STAM2: variants seen among roughly 807,000 people sequenced by gnomAD.
The protein encoded by STAM2 is signal transducing adaptor molecule 2.
Under a neutral mutation model 65.6 loss-of-function variants are expected in STAM2, and 51 were observed. That is an observed-to-expected ratio of 0.78 (90% confidence interval 0.62 to 0.98). The LOEUF is 0.98. STAM2 is among the 50% of genes least tolerant of loss of function. The pLI is 0.00. For missense variants in STAM2, 584 were observed against 617.8 expected (o/e 0.95, Z 0.58); for synonymous variants, 198 against 208.4 (o/e 0.95, Z 0.43).
intron 1 of STAM2, among the ~76,000 whole-genome samples, chr2:152,154,986 A>C (rs764374324): frequency 2.8e-4 from 42 of 152,196 alleles, no homozygotes; most frequent in Admixed American, 5.2e-4. Flanking sequence ...ACTAAATATA[A>C]AATAATTAGG....
chr2:152,141,102 G>C (rs1043743747), intron 7 of STAM2, among the ~76,000 whole-genome samples: 14 of 143,030 alleles, frequency 9.8e-5, no homozygotes, highest in African/African-American at 3.7e-4. Flanking sequence ...TCACGCCATT[G>C]CACTCCAGCC....
chr2:152,120,904 G>A (rs1688840965), intron 13 of STAM2, 102 bp from the exon 14 acceptor site: 3 of 789,264 alleles, frequency 3.8e-6, no homozygotes. Context: ...TTCTTTTTAA[G>A]CTTACGTAGC....
chr2:152,154,452 CA>C (rs1183711999), intron 1 of STAM2, among the ~76,000 whole-genome samples: 1 of 152,070 alleles, frequency 6.6e-6, no homozygotes, highest in Non-Finnish European at 1.5e-5. Context: ...CCTGTCTCTA[CA>C]AAAAACACAA....
intron 1 of STAM2, among the ~76,000 whole-genome samples, chr2:152,171,481 T>C (rs1449832872): frequency 6.6e-6 from 1 of 152,256 alleles, no homozygotes; most frequent in African/African-American, 2.4e-5. Context: ...GTAAATGTTA[T>C]AAATTTGTGT....
chr2:152,165,297 G>A (rs756407553), intron 1 of STAM2, among the ~76,000 whole-genome samples: 26 of 152,062 alleles, frequency 1.7e-4, no homozygotes, highest in Non-Finnish European at 3.1e-4. Flanking sequence ...TGGGCATGGT[G>A]GCATGCACCT....
chr2:152,164,841 A>G (rs770459813), intron 1 of STAM2, among the ~76,000 whole-genome samples: 7 of 152,158 alleles, frequency 4.6e-5, no homozygotes, highest in Non-Finnish European at 1.5e-5. Context: ...CATAAAAATT[A>G]CCTTTTACTG....
chr2:152,144,700 A>C, intron 6 of STAM2, 188 bp downstream of exon 6: 1 of 452,910 alleles, frequency 2.2e-6, no homozygotes, highest in South Asian at 2.7e-5. Flanking sequence ...CACCACGCCC[A>C]GCTAATTTTT....
At chr2:152,120,901 T>A in intron 13 of STAM2, 99 bp from the exon 14 acceptor site, 1 of 809,280 alleles carries the variant, frequency 1.2e-6, no homozygotes, top group Non-Finnish European at 2.1e-6. Flanking sequence ...ATCTTCTTTT[T>A]AAGCTTACGT....
rs1452696016 is a variant in STAM2, at chr2:152,120,667, G to A, written c.1485C>T (p.Ser495=). Residue 495 remains serine (S), a synonymous_variant, in exon 14 of 14, where the codon TCC becomes TCT. Transcript: ENST00000263904. ...GAAAGCCTGCCAGTTGAGGCAAATTGGAAGTAGTGTTCTGATAAGATGACA... is the reference window on the plus strand; with the variant it reads ...GAAAGCCTGCCAGTTGAGGCAAATTAGAAGTAGTGTTCTGATAAGATGACA... ...VDMSSYQNTT[S]NLPQLAGFPV... is the part of the protein sequence containing the mutation. The A allele has an allele frequency of 6.2e-7, 1 of 1,614,094 alleles. No homozygotes were observed. The highest frequency in any genetic ancestry group is 8.5e-7 in the Non-Finnish European group (1 of 1,179,994).
At chr2:152,175,581 C>A (rs373337974) in intron 1 of STAM2, 22 bp downstream of exon 1, 28 of 1,613,924 alleles carry the variant, frequency 1.7e-5, no homozygotes, top group Non-Finnish European at 2.1e-5. Context: ...CACAGCAGTC[C>A]AGGACCGGGC....
chr2:152,144,039 GA>G, intron 6 of STAM2, 26 bp from the exon 7 acceptor site: 1 of 1,559,132 alleles, frequency 6.4e-7, no homozygotes, highest in Non-Finnish European at 8.7e-7. Flanking sequence ...AAAATGCAAA[GA>G]AACTGGAATT....
intron 4 of STAM2, among the ~76,000 whole-genome samples, 191 bp downstream of exon 4, chr2:152,147,833 G>A (rs1689362205): frequency 6.6e-6 from 1 of 152,146 alleles, no homozygotes; most frequent in Admixed American, 6.5e-5. Flanking sequence ...ATTATTTACA[G>A]TATATATACT....
At chr2:152,138,753 T>A (rs914255161) in intron 7 of STAM2, among the ~76,000 whole-genome samples, 1 of 152,222 alleles carries the variant, frequency 6.6e-6, no homozygotes, top group Non-Finnish European at 1.5e-5. Flanking sequence ...TATCTGCAAA[T>A]ATCTATGGAA....
chr2:152,134,735 G>A (rs181133473), intron 8 of STAM2, among the ~76,000 whole-genome samples: 9 of 152,260 alleles, frequency 5.9e-5, no homozygotes, highest in Admixed American at 2.6e-4. Flanking sequence ...TCACAGAACC[G>A]TGAGATTGAA....
intron 1 of STAM2, among the ~76,000 whole-genome samples, chr2:152,151,849 A>G (rs1205609665): frequency 2.0e-5 from 3 of 152,160 alleles, no homozygotes; most frequent in Non-Finnish European, 2.9e-5. Flanking sequence ...CCAGTACTTC[A>G]TTTCTTCTTA....
intron 1 of STAM2, among the ~76,000 whole-genome samples, chr2:152,155,533 T>C (rs1360543053): frequency 6.6e-6 from 1 of 152,196 alleles, no homozygotes; most frequent in Admixed American, 6.5e-5. Context: ...ACTCTCCGTT[T>C]GGGAGTCTCA....
intron 11 of STAM2, among the ~76,000 whole-genome samples, chr2:152,126,628 T>C (rs1688967977): frequency 6.6e-6 from 1 of 152,178 alleles, no homozygotes; most frequent in Admixed American, 6.6e-5. Context: ...TCAAGCTGAC[T>C]TCTTATAACT....
At chr2:152,133,079 C>T in intron 10 of STAM2, 94 bp downstream of exon 10, 1 of 530,338 alleles carries the variant, frequency 1.9e-6, no homozygotes, top group Non-Finnish European at 2.8e-6. Context: ...TTTCTAACCT[C>T]TAGAGGCAAA....
intron 2 of STAM2, 119 bp downstream of exon 2, chr2:152,150,026 C>A: frequency 1.5e-6 from 1 of 684,060 alleles, no homozygotes; most frequent in East Asian, 2.8e-5. Context: ...CAGTTTAAAT[C>A]TGTGTTGTTC....
Sources: allele counts gnomAD v4.1 joint callset (sites outside exome capture counted in the v4.1 genomes callset), GRCh38; gene constraint gnomAD v4.1.1; transcripts MANE v1.5; gene names NCBI Gene and HGNC (gene_info 2026-07-23, HGNC 2026-07-21).